The following ADCY6 variants were observed in gnomAD, a reference collection of about 807,000 sequenced individuals.
ADCY6 encodes the protein adenylate cyclase 6.
In ADCY6, 59 loss-of-function variants were observed where a neutral mutation model predicts 111.6. That is an observed-to-expected ratio of 0.53 (90% CI 0.43 to 0.66). The LOEUF (loss-of-function observed/expected upper bound fraction) is 0.66. Among genes scored for constraint, ADCY6 ranks in the 30% least tolerant of loss-of-function variants. ADCY6 has a pLI of 0.00. For synonymous variants in ADCY6, 576 were observed against 642.9 expected (o/e 0.90, Z 1.57); for missense variants, 1,242 against 1,595.6 (o/e 0.78, Z 3.78).
Position 48,776,486 on chromosome 12 carries a change from C to T in ADCY6, c.1477G>A (p.Asp493Asn), listed in dbSNP as rs1041050545. The T allele has an allele frequency of 5.0e-6, 8 of 1,613,330 alleles. No individual in the cohort carries two copies. The highest frequency in any genetic ancestry group is 6.8e-6 in the Non-Finnish European group (8 of 1,179,836). The change falls in exon 7 of 22, where the codon GAT becomes AAT. Residue 493 changes from aspartate to asparagine, a missense_variant. This residue lies in a region of ADCY6 where 260 missense variants were observed against 414.6 expected (regional missense o/e 0.63). Coordinates refer to ENST00000357869, the MANE Select transcript of ADCY6 (RefSeq NM_015270.5). The surrounding 1 kb of genome is among the most constrained non-coding windows in gnomAD (Gnocchi z 6.1). ...AGGGTCACATCATTGGACCACACAT[C>T]GAACTGCCATTTCCGCAAGCCAAGG... ...GVLGLRKWQFDVWSNDVTLAN... is the reference protein window; with the variant it reads ...GVLGLRKWQFNVWSNDVTLAN...
At chr12:48,774,164 G>C (rs941238083) in intron 14 of ADCY6, 66 bp from the exon 15 acceptor site, 2 of 1,454,776 alleles carry the variant, frequency 1.4e-6, no homozygotes, top group Non-Finnish European at 1.9e-6. Flanking sequence ...ACCTGGTGAA[G>C]CCATGTACCC....
chr12:48,786,850 A>G (rs11168740), intron 1 of ADCY6, among the ~76,000 whole-genome samples: 40,460 of 152,192 alleles, frequency 0.27, 6,702 homozygotes, highest in African/African-American at 0.47. Flanking sequence ...TTTGCTAGCC[A>G]CACTGCCTTG....
chr12:48,768,594 A>G lies in ADCY6; in HGVS notation c.3504T>C (p.Ser1168=). 2 of 1,613,842 alleles carry G rather than the reference A, an allele frequency of 1.2e-6. No individual in the cohort carries two copies. Among genetic ancestry groups the G allele is most frequent in the South Asian group, 2.2e-5 (2 of 91,062 alleles). The change falls in exon 22 of 22, where the codon AGT becomes AGC. Residue 1168 remains serine (S), a synonymous_variant. Coordinates refer to ENST00000357869, the MANE Select transcript of ADCY6 (RefSeq NM_015270.5). ...TTYFLNGGPS[S] ...CTGAATTTGTGGCTGGGCCCTGTTA[A>G]CTGCTGGGGCCCCCATTGAGGAAGT...
chr12:48,780,239 G>A (rs1341437661), intron 2 of ADCY6, among the ~76,000 whole-genome samples: 3 of 152,212 alleles, frequency 2.0e-5, no homozygotes, highest in African/African-American at 7.2e-5. Context: ...CCAGGGGACC[G>A]GAGGAGACTC....
At chr12:48,773,330 C>T in intron 16 of ADCY6, 139 bp downstream of exon 16, 1 of 951,176 alleles carries the variant, frequency 1.1e-6, no homozygotes, top group Non-Finnish European at 1.5e-6. Context: ...GCTGGGAGCT[C>T]CTCCATCTCC....
Position 48,771,229 on chromosome 12 carries a change from T to G in ADCY6, c.3052-259A>C. The stretch of plus-strand genomic sequence containing the variant: ...GAACACAGACCCACAAGTGCAATAT[T>G]AAGCAATTTCTCCAATCCTTACCTT... On this transcript the variant is annotated intron_variant, in intron 19 of 21. Coordinates refer to ENST00000357869, the MANE Select transcript of ADCY6 (RefSeq NM_015270.5). The surrounding 1 kb of genome is among the most constrained non-coding windows in gnomAD (Gnocchi z 4.3). 1 of 548,284 alleles carries G rather than the reference T, an allele frequency of 1.8e-6. No individual in the cohort carries two copies. 34.0% of individuals were successfully genotyped at this position (548,284 alleles called of 1,614,324 possible).
In ADCY6 at chr12:48,783,384, T is replaced by C. The variant is rs1487477765; in HGVS notation, c.51A>G (p.Thr17=). ...TCTGCCCATTGCGTTCACCCCAGGC[T>C]GTTTTCCGTTCATCCACTTTAGGGA... ...LLVPKVDERK[T]AWGERNGQKR... is the part of the protein sequence containing the mutation. Residue 17 remains threonine, a synonymous_variant, in exon 2 of 22, where the codon ACA becomes ACG. Transcript: ENST00000357869. The C allele has an allele frequency of 1.9e-6, 3 of 1,614,096 alleles. No individual in the cohort carries two copies. The African/African-American group carries it at 4.0e-5, about 22-fold the overall frequency.
At chr12:48,779,756 G>C (rs1941796062) in intron 2 of ADCY6, among the ~76,000 whole-genome samples, 1 of 152,196 alleles carries the variant, frequency 6.6e-6, no homozygotes, top group Non-Finnish European at 1.5e-5. Flanking sequence ...TTAAGGAGAA[G>C]GGAGAGAAAC....
intron 12 of ADCY6, 79 bp downstream of exon 12, chr12:48,774,875 ATTG>A (rs2137353954): frequency 2.0e-6 from 3 of 1,520,428 alleles, no homozygotes; most frequent in Admixed American, 1.9e-5. Flanking sequence ...GGCTCCAGGG[ATTG>A]TGGGCTTGTG....
rs753989553 is a variant in ADCY6, at chr12:48,783,352, G to T, written c.83C>A (p.Ser28Ter). Residue 28 changes from serine to a stop codon, truncating the protein, a stop_gained, in exon 2 of 22, where the codon TCG becomes TAG. Transcript: ENST00000357869. LOFTEE classifies it high-confidence loss of function. ...AWGERNGQKR[S>*]RRRGTRAGGF... is the part of the protein sequence containing the mutation. ...ACCTGCCCGAGTGCCACGGCGCCGC[G>T]AACGCTTCTGCCCATTGCGTTCACC... is the stretch of plus-strand genomic sequence containing the variant. 1 of 1,614,156 alleles carries T rather than the reference G, an allele frequency of 6.2e-7. No individual in the cohort carries two copies. Among genetic ancestry groups the T allele is most frequent in the Non-Finnish European group, 8.5e-7 (1 of 1,180,022 alleles).
At chr12:48,774,577 C>G in intron 13 of ADCY6, 59 bp from the exon 14 acceptor site, 2 of 1,582,646 alleles carry the variant, frequency 1.3e-6, no homozygotes, top group South Asian at 2.2e-5. Flanking sequence ...GAATGGCAAC[C>G]AGGGATGGGG....
At chr12:48,778,769 A>G (rs1941771450) in intron 2 of ADCY6, among the ~76,000 whole-genome samples, 1 of 151,730 alleles carries the variant, frequency 6.6e-6, no homozygotes, top group South Asian at 2.1e-4. Flanking sequence ...GACATAACTT[A>G]GTAACAATAA....
chr12:48,771,119 A>T lies in ADCY6; in HGVS notation c.3052-149T>A. On this transcript the variant is annotated intron_variant, in intron 19 of 21. Coordinates refer to ENST00000357869, the MANE Select transcript of ADCY6 (RefSeq NM_015270.5). The surrounding 1 kb of genome is among the most constrained non-coding windows in gnomAD (Gnocchi z 4.3). ...AGCTGCTGCTATCAGTGTAAGACTG[A>T]GGAGCTGGGAAAACAGGCAGCCTAG... is the stretch of plus-strand genomic sequence containing the variant. 1.3e-6 allele frequency: 1 copy of T among 786,358 alleles called. No individual in the cohort carries two copies. Among genetic ancestry groups the T allele is most frequent in the Non-Finnish European group, 2.0e-6 (1 of 503,614 alleles). 48.7% of individuals were successfully genotyped at this position (786,358 alleles called of 1,614,324 possible).
chr12:48,786,585 ACTC>A (rs1941983470), intron 1 of ADCY6, among the ~76,000 whole-genome samples: 1 of 152,056 alleles, frequency 6.6e-6, no homozygotes, highest in South Asian at 2.1e-4. Flanking sequence ...CTGGTCTCGA[ACTC>A]CTAACCTCAG....
At position 48,788,951 on chromosome 12, in the gene ADCY6, C is replaced by A; in HGVS notation, c.-50G>T. On this transcript the variant is annotated 5_prime_UTR_variant, in exon 1 of 22. Coordinates refer to ENST00000357869, the MANE Select transcript of ADCY6 (RefSeq NM_015270.5). ...CTGCCCTGGGCCCCCGCCCCGCCGC[C>A]CCCGCGGGCTCCGGCCGGCCGGCCG... 2 of 146,316 alleles carry A rather than the reference C, an allele frequency of 1.4e-5. No homozygotes were observed. The highest frequency in any genetic ancestry group is 3.8e-4 in the South Asian group (2 of 5,250). The allele number at this position is 146,316 out of a possible 1,614,324, so 9.1% of individuals were successfully genotyped here. A position where few individuals can be genotyped will look rare whatever the true frequency, so the allele number is the denominator to read the frequency against.
Position 48,766,364 on chromosome 12 carries a change from G to C in ADCY6, c.*2227C>G, listed in dbSNP as rs1941378891. ...CTGGGTGAGGAAAGGGACAATGGTA[G>C]CCCAGGGGAAGGGCATGGCTGGCAC... On this transcript the variant is annotated 3_prime_UTR_variant, in exon 22 of 22. Coordinates refer to ENST00000357869, the MANE Select transcript of ADCY6 (RefSeq NM_015270.5). The C allele has an allele frequency of 6.6e-6, 1 of 152,660 alleles. No individual in the cohort carries two copies. The highest frequency in any genetic ancestry group is 1.5e-5 in the Non-Finnish European group (1 of 68,076). 9.5% of individuals were successfully genotyped at this position (152,660 alleles called of 1,614,324 possible). A position where few individuals can be genotyped will look rare whatever the true frequency, so the allele number is the denominator to read the frequency against.
At position 48,771,302 on chromosome 12, in the gene ADCY6, G is replaced by A; in HGVS notation, c.3052-332C>T. On this transcript the variant is annotated intron_variant, in intron 19 of 21. Coordinates refer to ENST00000357869, the MANE Select transcript of ADCY6 (RefSeq NM_015270.5). This position sits in a 1 kb window ranked among gnomAD's most constrained non-coding sequence, Gnocchi z 4.3. ...GAGCAAGTGACTTCCCTCCAGAACA[G>A]TGAACAGCCCATTCCTGATCTGGAT... 1 of 481,134 alleles carries A rather than the reference G, an allele frequency of 2.1e-6. No individual in the cohort carries two copies. Among genetic ancestry groups the A allele is most frequent in the East Asian group, 3.8e-5 (1 of 26,028 alleles). 29.8% of individuals were successfully genotyped at this position (481,134 alleles called of 1,614,324 possible). A position where few individuals can be genotyped will look rare whatever the true frequency, so the allele number is the denominator to read the frequency against.
rs756141514 is a variant in ADCY6 at position 48,776,393 on chromosome 12, GC to G, written c.1535+34del. On this transcript the variant is annotated intron_variant, in intron 7 of 21. Transcript: ENST00000357869. The surrounding 1 kb of genome is among the most constrained non-coding windows in gnomAD (Gnocchi z 6.1). ...GGTGAGACCCTGGCTCTCCCACCTTGCCCCCATCCCCCCCACCTGGACCCCC... is the reference window on the plus strand; with the variant it reads ...GGTGAGACCCTGGCTCTCCCACCTTGCCCCATCCCCCCCACCTGGACCCCC... 9 of 1,610,182 alleles carry G rather than the reference GC, an allele frequency of 5.6e-6. No individual in the cohort carries two copies. The highest frequency in any genetic ancestry group is 7.6e-6 in the Non-Finnish European group (9 of 1,178,234).
chr12:48,788,215 C>T (rs1400573663), intron 1 of ADCY6, among the ~76,000 whole-genome samples: 1 of 152,188 alleles, frequency 6.6e-6, no homozygotes, highest in East Asian at 1.9e-4. Context: ...CCAGTCCTCA[C>T]TCTCCCTAAA....
Sources: gnomAD v4.1 joint callset for allele counts (sites outside exome capture counted in the v4.1 genomes callset) on GRCh38, gnomAD v4.1.1 for gene constraint, gnomAD v4.1.1 regional missense constraint, Gnocchi (gnomAD v3.1) non-coding constraint, MANE v1.5 for transcripts, NCBI Gene and HGNC (gene_info 2026-07-23, HGNC 2026-07-21) for gene names.